Variants in RTL4 observed in about 807,000 individuals in gnomAD.
The protein encoded by RTL4 is retrotransposon Gag-like protein 4.
RTL4 carries 4 observed loss-of-function variants against 5.3 expected under a neutral mutation model. The observed-to-expected ratio is 0.75, with a 90% CI of 0.37 to 1.72. RTL4 has a LOEUF of 1.72. Among genes scored for constraint, RTL4 ranks in the 40% most tolerant of loss-of-function variants. The probability of loss-of-function intolerance (pLI) is 0.04; values close to 1 mark genes in which losing one functional copy is unlikely to be tolerated. For missense variants in RTL4, 260 were observed against 227.1 expected (o/e 1.14, Z -0.93); for synonymous variants, 98 against 87.3 (o/e 1.12, Z -0.68).
At chrX:112,447,645 C>T in the RTL4 span, among the ~76,000 whole-genome samples, 1 of 111,923 alleles carries the variant, frequency 8.9e-6, no homozygotes, top group South Asian at 3.7e-4. Context: ...ACATGCCTTG[C>T]CTATATCACA....
At chrX:112,304,368 G>C in the RTL4 span, among the ~76,000 whole-genome samples, 1 of 111,048 alleles carries the variant, frequency 9.0e-6, no homozygotes, top group East Asian at 2.8e-4. Context: ...TGTCCCCTAG[G>C]GTATTGCAAA....
the RTL4 span, among the ~76,000 whole-genome samples, chrX:112,157,064 TTGTGTG>T: frequency 1.3e-3 from 130 of 96,571 alleles, no homozygotes; most frequent in Middle Eastern, 5.1e-3. Flanking sequence ...GTTATACTGT[TTGTGTG>T]TGTGTGTGTG....
At chrX:112,117,578 A>G in the RTL4 span, among the ~76,000 whole-genome samples, 1 of 111,505 alleles carries the variant, frequency 9.0e-6, no homozygotes, top group African/African-American at 3.3e-5. Context: ...AAATAAATGC[A>G]AATTACTAGA....
At chrX:112,272,466 GA>G in the RTL4 span, among the ~76,000 whole-genome samples, 6 of 111,639 alleles carry the variant, frequency 5.4e-5, no homozygotes, top group Non-Finnish European at 7.5e-5. Context: ...AGGAATTGCA[GA>G]AGGTACACTT....
At chrX:112,326,888 A>C in the RTL4 span, among the ~76,000 whole-genome samples, 28 of 111,648 alleles carry the variant, frequency 2.5e-4, no homozygotes, top group South Asian at 6.5e-3. Flanking sequence ...ACCCCCCAGC[A>C]GGGGCACACT....
At chrX:112,187,966 G>A in the RTL4 span, among the ~76,000 whole-genome samples, 1 of 111,871 alleles carries the variant, frequency 8.9e-6, no homozygotes, top group Non-Finnish European at 1.9e-5. Flanking sequence ...CCAGTATGGA[G>A]AGAAATCGAT....
the RTL4 span, among the ~76,000 whole-genome samples, chrX:112,237,561 T>G: frequency 8.9e-6 from 1 of 112,452 alleles, no homozygotes; most frequent in East Asian, 2.8e-4. Flanking sequence ...GCTCCCGTAT[T>G]ACTCTAGTTT....
chrX:112,123,777 A>C, the RTL4 span, among the ~76,000 whole-genome samples: 1 of 111,907 alleles, frequency 8.9e-6, no homozygotes, highest in Non-Finnish European at 1.9e-5. Context: ...ATAGGCATGG[A>C]CAAAGACTTT....
chrX:112,442,480 C>T, the RTL4 span, among the ~76,000 whole-genome samples: 1 of 109,916 alleles, frequency 9.1e-6, no homozygotes, highest in East Asian at 2.9e-4. Context: ...AACTCCTGGT[C>T]TCAAGTGATC....
At chrX:112,245,632 G>C in the RTL4 span, among the ~76,000 whole-genome samples, 2 of 109,749 alleles carry the variant, frequency 1.8e-5, no homozygotes, top group Non-Finnish European at 3.8e-5. Flanking sequence ...TCCTCGCAAT[G>C]GGTTTCAACA....
the RTL4 span, among the ~76,000 whole-genome samples, chrX:112,194,221 T>C: frequency 8.9e-6 from 1 of 112,191 alleles, no homozygotes; most frequent in South Asian, 3.7e-4. Context: ...TCTCATTATA[T>C]GCCTCTGTTA....
the RTL4 span, among the ~76,000 whole-genome samples, chrX:112,312,704 G>A: frequency 9.0e-6 from 1 of 111,157 alleles, no homozygotes; most frequent in African/African-American, 3.3e-5. Context: ...CAAAGACAGA[G>A]TACATTCATA....
chrX:112,179,389 T>C, the RTL4 span, among the ~76,000 whole-genome samples: 10 of 110,671 alleles, frequency 9.0e-5, no homozygotes, highest in South Asian at 3.5e-3. Context: ...AAAAACCAAG[T>C]AGTTTTGTGT....
the RTL4 span, among the ~76,000 whole-genome samples, chrX:112,190,176 CTTT>C: frequency 1.8e-3 from 173 of 98,773 alleles, no homozygotes; most frequent in Non-Finnish European, 3.1e-3. Flanking sequence ...TTCTTTCTTT[CTTT>C]CTTTCTTTCT....
At chrX:112,216,182 C>T in the RTL4 span, among the ~76,000 whole-genome samples, 1 of 111,655 alleles carries the variant, frequency 9.0e-6, no homozygotes, top group African/African-American at 3.3e-5. Context: ...CACCTACTGC[C>T]TTGCAAAGTA....
the RTL4 span, among the ~76,000 whole-genome samples, chrX:112,204,548 A>G: frequency 2.7e-5 from 3 of 111,949 alleles, no homozygotes; most frequent in Middle Eastern, 4.2e-3. Flanking sequence ...TCATTATGTT[A>G]AGTGAAATAA....
the RTL4 span, among the ~76,000 whole-genome samples, chrX:112,183,152 T>C: frequency 3.6e-5 from 4 of 112,405 alleles, no homozygotes; most frequent in African/African-American, 1.3e-4. Flanking sequence ...TTACAAGATC[T>C]GCTGAAGGAA....
chrX:112,133,042 C>G, the RTL4 span, among the ~76,000 whole-genome samples: 1 of 111,955 alleles, frequency 8.9e-6, no homozygotes, highest in South Asian at 3.7e-4. Context: ...CTCTTGTATT[C>G]CACTAAAATT....
At chrX:112,338,345 T>G in the RTL4 span, among the ~76,000 whole-genome samples, 4 of 111,906 alleles carry the variant, frequency 3.6e-5, no homozygotes, top group Non-Finnish European at 7.5e-5. Context: ...CTCCCAAAAT[T>G]TAATTAACCA....
Sources: allele counts gnomAD v4.1 joint callset (sites outside exome capture counted in the v4.1 genomes callset), GRCh38; gene constraint gnomAD v4.1.1; transcripts MANE v1.5; gene names NCBI Gene and HGNC (gene_info 2026-07-23, HGNC 2026-07-21).